The following KHDRBS2 variants were observed in gnomAD, a reference collection of about 807,000 sequenced individuals.
The protein encoded by KHDRBS2 is KH domain-containing, RNA-binding, signal transduction-associated protein 2.
In KHDRBS2, 26 loss-of-function variants were observed where a neutral mutation model predicts 44.3. The ratio of observed to expected loss-of-function variants is 0.59; its 90% CI spans 0.43 to 0.81. KHDRBS2 has a LOEUF of 0.81. Among genes scored for constraint, KHDRBS2 ranks in the 40% least tolerant of loss-of-function variants. The probability of loss-of-function intolerance (pLI) is 0.00; values close to 1 mark genes in which losing one functional copy is unlikely to be tolerated. For synonymous variants in KHDRBS2, 194 were observed against 151.1 expected (o/e 1.28, Z -2.08); for missense variants, 476 against 433.1 (o/e 1.10, Z -0.88).
intron 2 of KHDRBS2, among the ~76,000 whole-genome samples, chr6:62,066,524 A>G (rs1305695137): frequency 6.6e-6 from 1 of 151,714 alleles, no homozygotes; most frequent in African/African-American, 2.4e-5. Flanking sequence ...TGGCTTTCTA[A>G]GTAAATGTTT....
intron 6 of KHDRBS2, among the ~76,000 whole-genome samples, chr6:61,796,068 A>G (rs1448396520): frequency 6.6e-6 from 1 of 152,094 alleles, no homozygotes; most frequent in Non-Finnish European, 1.5e-5. Context: ...CCTCATTTGT[A>G]AAATGAAAAT....
chr6:62,177,080 T>C, intron 2 of KHDRBS2, 105 bp downstream of exon 2: 1 of 708,234 alleles, frequency 1.4e-6, no homozygotes, highest in Non-Finnish European at 2.2e-6. Context: ...ACACTTACAT[T>C]ATGAAGCTTC....
the KHDRBS2 span, among the ~76,000 whole-genome samples, chr6:61,566,668 C>G: frequency 6.6e-6 from 1 of 151,824 alleles, no homozygotes; most frequent in Admixed American, 6.6e-5. Context: ...TCATAATTTC[C>G]TCAGTTTTAA....
At chr6:61,621,178 T>TG in the KHDRBS2 span, among the ~76,000 whole-genome samples, 1 of 152,170 alleles carries the variant, frequency 6.6e-6, no homozygotes, top group Non-Finnish European at 1.5e-5. Context: ...TGGCAGAAGA[T>TG]GGAGGCCTAA....
intron 6 of KHDRBS2, among the ~76,000 whole-genome samples, chr6:61,737,410 C>A (rs191751812): frequency 5.9e-5 from 9 of 152,114 alleles, no homozygotes; most frequent in Admixed American, 5.9e-4. Flanking sequence ...TATGTATACA[C>A]ATAAATATTT....
chr6:61,937,708 T>A (rs1811291369), intron 4 of KHDRBS2, among the ~76,000 whole-genome samples: 2 of 152,088 alleles, frequency 1.3e-5, no homozygotes, highest in South Asian at 4.1e-4. Flanking sequence ...TATCCTATAA[T>A]TAGATTTATA....
the KHDRBS2 span, among the ~76,000 whole-genome samples, chr6:61,664,089 C>T: frequency 2.6e-4 from 40 of 151,828 alleles, no homozygotes; most frequent in African/African-American, 9.6e-4. Context: ...AAAGGCTTAA[C>T]CTTTGTATTT....
downstream of KHDRBS2, among the ~76,000 whole-genome samples, chr6:61,678,390 A>T (rs1766063257): frequency 6.6e-6 from 1 of 152,008 alleles, no homozygotes; most frequent in Non-Finnish European, 1.5e-5. Flanking sequence ...ATGAGAAGCA[A>T]AAAGCTTACT....
chr6:61,723,000 C>T (rs568447823), intron 7 of KHDRBS2, among the ~76,000 whole-genome samples: 17 of 152,108 alleles, frequency 1.1e-4, no homozygotes, highest in South Asian at 2.1e-4. Flanking sequence ...TGAGCTGCGG[C>T]GAGGAAGAAG....
intron 6 of KHDRBS2, among the ~76,000 whole-genome samples, chr6:61,887,347 T>C (rs9363415): frequency 0.5 from 75,376 of 151,910 alleles, 18,950 homozygotes; most frequent in East Asian, 0.58. Context: ...TGGGAGTTTT[T>C]GTTGAAATAT....
At chr6:61,765,397 G>A (rs916110117) in intron 6 of KHDRBS2, among the ~76,000 whole-genome samples, 8 of 152,122 alleles carry the variant, frequency 5.3e-5, no homozygotes, top group Admixed American at 3.9e-4. Flanking sequence ...GTTACAATGA[G>A]CTCTGATTGT....
intron 1 of KHDRBS2, among the ~76,000 whole-genome samples, chr6:62,213,789 G>C (rs1829496102): frequency 6.8e-6 from 1 of 146,238 alleles, no homozygotes; most frequent in African/African-American, 2.5e-5. Context: ...CAGGAGGATG[G>C]CGTGAACCCA....
chr6:62,217,178 C>T (rs991320294), intron 1 of KHDRBS2, among the ~76,000 whole-genome samples: 14 of 151,818 alleles, frequency 9.2e-5, no homozygotes, highest in African/African-American at 3.4e-4. Flanking sequence ...AATGTCTCTT[C>T]GCCGTTTTCA....
At chr6:61,717,109 T>A (rs767580497) in intron 7 of KHDRBS2, among the ~76,000 whole-genome samples, 1 of 152,072 alleles carries the variant, frequency 6.6e-6, no homozygotes, top group Non-Finnish European at 1.5e-5. Flanking sequence ...TTTTTCTAAC[T>A]CTTCTTATTA....
At chr6:61,620,300 C>T in the KHDRBS2 span, among the ~76,000 whole-genome samples, 5 of 151,654 alleles carry the variant, frequency 3.3e-5, no homozygotes, top group African/African-American at 1.2e-4. Flanking sequence ...ACTTAAGGAG[C>T]CTATTTCATT....
the KHDRBS2 span, among the ~76,000 whole-genome samples, chr6:61,593,495 C>T: frequency 6.8e-6 from 1 of 147,274 alleles, no homozygotes; most frequent in African/African-American, 2.5e-5. Context: ...TTTTTTGACA[C>T]ATAGTTTTTC....
chr6:62,038,071 A>G (rs975177607), intron 3 of KHDRBS2, among the ~76,000 whole-genome samples: 3 of 152,038 alleles, frequency 2.0e-5, no homozygotes, highest in Non-Finnish European at 4.4e-5. Flanking sequence ...GGAACAACTC[A>G]GAGGCACTAT....
At chr6:61,960,021 T>C (rs1167210576) in intron 4 of KHDRBS2, among the ~76,000 whole-genome samples, 2 of 152,192 alleles carry the variant, frequency 1.3e-5, no homozygotes, top group Non-Finnish European at 2.9e-5. Context: ...GACTAGTCGA[T>C]GAAATGTAAA....
intron 6 of KHDRBS2, among the ~76,000 whole-genome samples, chr6:61,832,458 A>T (rs1791977789): frequency 1.3e-5 from 2 of 152,134 alleles, no homozygotes; most frequent in Admixed American, 1.3e-4. Context: ...AAGGTAAATA[A>T]AAGCTGCAAC....
Sources: gnomAD v4.1 joint callset for allele counts (sites outside exome capture counted in the v4.1 genomes callset) on GRCh38, gnomAD v4.1.1 for gene constraint, MANE v1.5 for transcripts, NCBI Gene and HGNC (gene_info 2026-07-23, HGNC 2026-07-21) for gene names.